The following LARGE1 variants were observed in gnomAD, a reference collection of about 807,000 sequenced individuals.
The protein encoded by LARGE1 is LARGE xylosyl- and glucuronyltransferase 1.
Under a neutral mutation model 87.6 loss-of-function variants are expected in LARGE1, and 43 were observed. The ratio of observed to expected loss-of-function variants is 0.49; its 90% CI spans 0.38 to 0.63. The LOEUF (loss-of-function observed/expected upper bound fraction) is 0.63. Ranked by LOEUF, LARGE1 falls within the 30% of genes least tolerant of loss-of-function variation. The pLI is 0.00. For synonymous variants in LARGE1, 434 were observed against 394.6 expected, an observed-to-expected ratio of 1.10 and a Z score of -1.18; for missense variants, 802 against 1,000.2, an observed-to-expected ratio of 0.80 and a Z score of 2.67.
intron 2 of LARGE1, among the ~76,000 whole-genome samples, chr22:33,729,208 A>T (rs547988840): frequency 6.6e-6 from 1 of 152,358 alleles, no homozygotes; most frequent in East Asian, 1.9e-4. Flanking sequence ...GTGCAGATTA[A>T]GCAAAAGGCA....
chr22:33,753,263 G>A (rs1342315051), intron 2 of LARGE1, among the ~76,000 whole-genome samples: 3 of 152,010 alleles, frequency 2.0e-5, no homozygotes, highest in Non-Finnish European at 4.4e-5. Flanking sequence ...TAAGAGGGGG[G>A]TAGGAGAGTC....
intron 6 of LARGE1, among the ~76,000 whole-genome samples, chr22:33,511,210 T>C (rs1454382371): frequency 1.3e-5 from 2 of 152,242 alleles, no homozygotes; most frequent in African/African-American, 4.8e-5. Flanking sequence ...TATTTCTTTA[T>C]GTTGCTGATG....
intron 1 of LARGE1, among the ~76,000 whole-genome samples, chr22:33,802,034 A>C (rs1168352295): frequency 1.6e-5 from 2 of 128,882 alleles, no homozygotes; most frequent in Non-Finnish European, 3.6e-5. Flanking sequence ...CTAACTCTGG[A>C]GAAAAAAAAA....
chr22:33,403,072 C>A (rs531973388), intron 7 of LARGE1, among the ~76,000 whole-genome samples: 1 of 152,142 alleles, frequency 6.6e-6, no homozygotes. Context: ...ACAACAACAA[C>A]AAAATACTAC....
intron 7 of LARGE1, among the ~76,000 whole-genome samples, chr22:33,387,321 T>C (rs983823333): frequency 6.8e-6 from 1 of 146,824 alleles, no homozygotes; most frequent in Non-Finnish European, 1.5e-5. Flanking sequence ...CAGCTACTCC[T>C]GAGGCTGAGG....
At chr22:33,423,798 C>T (rs1057016981) in intron 7 of LARGE1, among the ~76,000 whole-genome samples, 2 of 151,742 alleles carry the variant, frequency 1.3e-5, no homozygotes, top group African/African-American at 4.9e-5. Context: ...GGGGCAAGGA[C>T]ACTGGGTGAA....
intron 11 of LARGE1, among the ~76,000 whole-genome samples, chr22:33,199,843 C>CTT (rs3071494): frequency 6.8e-6 from 1 of 146,698 alleles, no homozygotes. Flanking sequence ...CGTGCAGACA[C>CTT]TTTTTTTTTT....
At chr22:33,346,595 G>A (rs957168137) in intron 9 of LARGE1, among the ~76,000 whole-genome samples, 13 of 152,088 alleles carry the variant, frequency 8.5e-5, no homozygotes, top group South Asian at 2.1e-4. Flanking sequence ...GAGCCTCCGC[G>A]CCTGGCCTCC....
At chr22:33,904,216 G>A (rs773629046) in intron 1 of LARGE1, among the ~76,000 whole-genome samples, 4 of 151,822 alleles carry the variant, frequency 2.6e-5, no homozygotes, top group African/African-American at 4.8e-5. Flanking sequence ...TCATTCTGTC[G>A]CCAGGCTGGG....
chr22:33,384,093 A>T, intron 8 of LARGE1, 99 bp downstream of exon 8: 1 of 881,672 alleles, frequency 1.1e-6, no homozygotes, highest in Non-Finnish European at 1.9e-6. Flanking sequence ...GTCACACAAT[A>T]CGTAGAAAAC....
chr22:33,336,168 T>G (rs1005087161), intron 10 of LARGE1, among the ~76,000 whole-genome samples: 2 of 152,174 alleles, frequency 1.3e-5, no homozygotes, highest in Non-Finnish European at 2.9e-5. Context: ...ATGCAACTTT[T>G]CAGCTACTGT....
At chr22:33,458,261 C>T (rs1213969306) in intron 6 of LARGE1, among the ~76,000 whole-genome samples, 11 of 151,538 alleles carry the variant, frequency 7.3e-5, no homozygotes, top group African/African-American at 2.4e-4. Flanking sequence ...GCTGCCACCA[C>T]GCTCGGCTAA....
intron 12 of LARGE1, among the ~76,000 whole-genome samples, chr22:33,296,800 C>T (rs1182790076): frequency 6.6e-6 from 1 of 152,126 alleles, no homozygotes; most frequent in Non-Finnish European, 1.5e-5. Context: ...AACTCCCAAC[C>T]TCAGGTGATC....
intron 7 of LARGE1, among the ~76,000 whole-genome samples, chr22:33,422,658 TGCCACCAC>T (rs2066733911): frequency 6.6e-6 from 1 of 152,172 alleles, no homozygotes; most frequent in East Asian, 1.9e-4. Context: ...CACAGGTGCA[TGCCACCAC>T]GCCTGGCTAA....
intron 2 of LARGE1, among the ~76,000 whole-genome samples, chr22:33,701,816 T>A (rs1055222891): frequency 1.3e-5 from 2 of 152,172 alleles, no homozygotes; most frequent in Admixed American, 1.3e-4. Flanking sequence ...ACAATGGATA[T>A]AGGGAAGCAA....
chr22:33,183,620 G>GCGCACACACACACA (rs1258347691), intron 11 of LARGE1, among the ~76,000 whole-genome samples: 2 of 137,920 alleles, frequency 1.5e-5, no homozygotes, highest in African/African-American at 5.9e-5. Context: ...ACACACACAC[G>GCGCACACACACACA]CACACACACA....
intron 6 of LARGE1, among the ~76,000 whole-genome samples, chr22:33,449,917 G>A (rs1398950415): frequency 2.0e-5 from 3 of 151,714 alleles, no homozygotes; most frequent in Non-Finnish European, 4.4e-5. Context: ...TGAGGCTTTT[G>A]TACTTTTTTT....
chr22:33,899,910 C>G (rs2065240752), intron 1 of LARGE1, among the ~76,000 whole-genome samples: 1 of 152,188 alleles, frequency 6.6e-6, no homozygotes, highest in Non-Finnish European at 1.5e-5. Context: ...AAGTAAAAGG[C>G]ACAAATCCTT....
intron 6 of LARGE1, among the ~76,000 whole-genome samples, chr22:33,503,536 T>A (rs972149764): frequency 2.6e-5 from 4 of 152,076 alleles, no homozygotes; most frequent in African/African-American, 9.7e-5. Flanking sequence ...ATAGCAGCAT[T>A]ATTCACAATA....
Sources: allele counts gnomAD v4.1 joint callset (sites outside exome capture counted in the v4.1 genomes callset), GRCh38; gene constraint gnomAD v4.1.1; transcripts MANE v1.5; gene names NCBI Gene and HGNC (gene_info 2026-07-23, HGNC 2026-07-21).